Variants in PCDHGA7 observed in about 807,000 individuals in gnomAD.
PCDHGA7 encodes protocadherin gamma-A7.
In PCDHGA7, 44 loss-of-function variants were observed where a neutral mutation model predicts 58.3. That is an observed-to-expected ratio of 0.75 (90% CI 0.59 to 0.97). The LOEUF is 0.97. PCDHGA7 is among the 50% of genes least tolerant of loss of function. PCDHGA7 has a pLI of 0.00. For missense variants in PCDHGA7, 1,266 were observed against 1,188.7 expected (o/e 1.06, Z -0.96); for synonymous variants, 516 against 504.2 (o/e 1.02, Z -0.31).
At chr5:141,508,760 T>A (rs1004267844) in intron 3 of PCDHGA7, among the ~76,000 whole-genome samples, 17 of 151,522 alleles carry the variant, frequency 1.1e-4, no homozygotes, top group Admixed American at 1.1e-3. Flanking sequence ...CTCTGGCGCC[T>A]CTGAGGTCCC....
intron 1 of PCDHGA7, chr5:141,419,707 C>G (rs781629810): frequency 6.2e-7 from 1 of 1,613,180 alleles, no homozygotes. Flanking sequence ...AGCCCGGGCT[C>G]TTCAGCCTGG....
intron 2 of PCDHGA7, among the ~76,000 whole-genome samples, chr5:141,499,146 C>T (rs1415999012): frequency 1.3e-5 from 2 of 152,132 alleles, no homozygotes; most frequent in African/African-American, 4.8e-5. Flanking sequence ...GTGTCTGATC[C>T]CAATAGCTGT....
chr5:141,444,373 G>A (rs2098434682), intron 1 of PCDHGA7, among the ~76,000 whole-genome samples: 1 of 151,902 alleles, frequency 6.6e-6, no homozygotes, highest in South Asian at 2.1e-4. Context: ...GTTTCTCCAT[G>A]TTGGTCAGGC....
At position 141,487,557 on chromosome 5, in the gene PCDHGA7, T is replaced by C. The variant is rs751511771; in HGVS notation, c.2425-7250T>C. On this transcript the variant is annotated intron_variant, in intron 1 of 3. Coordinates refer to ENST00000518325, the MANE Select transcript of PCDHGA7 (RefSeq NM_018920.4). The surrounding 1 kb of genome is among the most constrained non-coding windows in gnomAD (Gnocchi z 5.0). The stretch of plus-strand genomic sequence containing the variant: ...ATGGTGAAGTCACCCAGTGCACCTA[T>C]GGCAGGGGAGCCTGTTCGCCCAAGC... The C allele has an allele frequency of 1.9e-5, 31 of 1,614,060 alleles. No homozygotes were observed. In the East Asian group the frequency reaches 4.2e-4, roughly 22 times the overall value.
intron 1 of PCDHGA7, chr5:141,478,531 C>T (rs771145308): frequency 1.9e-6 from 3 of 1,608,190 alleles, no homozygotes; most frequent in Non-Finnish European, 2.5e-6. Flanking sequence ...GTGCAGAGAG[C>T]GCCCCTCCCG....
At chr5:141,394,189 C>T (rs543330174) in intron 1 of PCDHGA7, 1 of 1,613,892 alleles carries the variant, frequency 6.2e-7, no homozygotes, top group Admixed American at 1.7e-5. Flanking sequence ...TCCTACTCAG[C>T]GTATATCCTA....
rs754268147 is a variant in PCDHGA7, at chr5:141,410,352, G to C, written c.2424+25029G>C. ...CTGGCCATTGCCTTGCGCCTGCGAC[G>C]CTCTCTCAGCCCTGCTACTTGGGAC... On this transcript the variant is annotated intron_variant, in intron 1 of 3. Coordinates refer to ENST00000518325, the MANE Select transcript of PCDHGA7 (RefSeq NM_018920.4). The C allele has an allele frequency of 6.2e-6, 10 of 1,614,022 alleles. No homozygotes were observed. In the South Asian group the frequency reaches 1.1e-4, roughly 18 times the overall value.
rs2099410057 is a variant in PCDHGA7, at chr5:141,477,370, G to C, written c.2425-17437G>C. The C allele has an allele frequency of 6.2e-7, 1 of 1,614,054 alleles. No homozygotes were observed. On this transcript the variant is annotated intron_variant, in intron 1 of 3. Coordinates refer to ENST00000518325, the MANE Select transcript of PCDHGA7 (RefSeq NM_018920.4). This position sits in a 1 kb window ranked among gnomAD's most constrained non-coding sequence, Gnocchi z 4.9. The stretch of plus-strand genomic sequence containing the variant: ...AAACCAGTGCAGACCTGGATCGGGA[G>C]ACTGTGCCAGAATACAACCTCAGCA...
At chr5:141,500,293 C>T (rs1380080572) in intron 2 of PCDHGA7, among the ~76,000 whole-genome samples, 3 of 151,870 alleles carry the variant, frequency 2.0e-5, no homozygotes, top group Non-Finnish European at 4.4e-5. Flanking sequence ...ACTGCAAGCT[C>T]CGCCTCCCAG....
chr5:141,477,052 C>T lies in PCDHGA7; in HGVS notation c.2425-17755C>T. On this transcript the variant is annotated intron_variant, in intron 1 of 3. Coordinates refer to ENST00000518325, the MANE Select transcript of PCDHGA7 (RefSeq NM_018920.4). The surrounding 1 kb of genome is among the most constrained non-coding windows in gnomAD (Gnocchi z 4.9). ...TGACAATCAAGGGTCGGCTGGACTT[C>T]GAGGACACCAAACTCCATGAGATTT... 1.2e-6 allele frequency: 2 copies of T among 1,614,240 alleles called. No individual in the cohort carries two copies. The highest frequency in any genetic ancestry group is 1.7e-6 in the Non-Finnish European group (2 of 1,180,032).
In PCDHGA7 at chr5:141,491,921, A is replaced by T; in HGVS notation, c.2425-2886A>T. ...CCGGGGGTGGTGGCGACTGTGGGCG[A>T]GGGGAGGTGGGACCGACCCCCACCC... On this transcript the variant is annotated intron_variant, in intron 1 of 3. Coordinates refer to ENST00000518325, the MANE Select transcript of PCDHGA7 (RefSeq NM_018920.4). The surrounding 1 kb of genome is among the most constrained non-coding windows in gnomAD (Gnocchi z 6.9). The T allele has an allele frequency of 1.5e-6, 2 of 1,353,738 alleles. No homozygotes were observed. Among genetic ancestry groups the T allele is most frequent in the Non-Finnish European group, 2.0e-6 (2 of 1,013,388 alleles). 83.9% of individuals were successfully genotyped at this position (1,353,738 alleles called of 1,614,324 possible). A position where few individuals can be genotyped will look rare whatever the true frequency, so the allele number is the denominator to read the frequency against.
At chr5:141,392,559 A>T in intron 1 of PCDHGA7, 2 of 384,544 alleles carry the variant, frequency 5.2e-6, no homozygotes, top group Non-Finnish European at 4.6e-6. Context: ...ATCTCAGTGC[A>T]GTAACTATTT....
intron 1 of PCDHGA7, among the ~76,000 whole-genome samples, chr5:141,462,639 C>T (rs2099043867): frequency 7.2e-6 from 1 of 138,292 alleles, no homozygotes. Flanking sequence ...TTGACTCTTT[C>T]ATTTCCATCC....
Position 141,441,858 on chromosome 5 carries a change from C to T in PCDHGA7, c.2425-52949C>T, listed in dbSNP as rs535716058. The T allele has an allele frequency of 6.0e-5, 21 of 349,416 alleles. No homozygotes were observed. The East Asian group carries it at 7.4e-4, about 12-fold the overall frequency. The allele number at this position is 349,416 out of a possible 1,614,324, so 21.6% of individuals were successfully genotyped here. On this transcript the variant is annotated intron_variant, in intron 1 of 3. Coordinates refer to ENST00000518325, the MANE Select transcript of PCDHGA7 (RefSeq NM_018920.4). ...TCGCGCTCTTGGATATGGTGCTGCA[C>T]GCCGCGGAGCCTGGCTACCTGGTCA...
Position 141,427,553 on chromosome 5 carries a change from TG to T in PCDHGA7, c.2424+42231del, listed in dbSNP as rs201716174. ...AGTACAACGTCACCATCACTGCCAC[TG>T]ACAAGGGCAAGCCTCCGCTCTCATC... On this transcript the variant is annotated intron_variant, in intron 1 of 3. Transcript: ENST00000518325. 2.7e-3 allele frequency: 1,760 copies of T among 646,124 alleles called. 23 individuals are homozygous for T. In the African/African-American group the frequency reaches 0.028, roughly 10 times the overall value. 40.0% of individuals were successfully genotyped at this position (646,124 alleles called of 1,614,324 possible).
chr5:141,431,296 C>T lies in PCDHGA7; in HGVS notation c.2424+45973C>T, dbSNP rs2097358592. On this transcript the variant is annotated intron_variant, in intron 1 of 3. Transcript: ENST00000518325. The surrounding 1 kb of genome is among the most constrained non-coding windows in gnomAD (Gnocchi z 4.8). ...AGCTCAGCCCGAACACTCACTTCTC[C>T]CTCATCGTGCAAAATGGAGCCGACG... The T allele has an allele frequency of 1.9e-6, 3 of 1,614,018 alleles. No individual in the cohort carries two copies. Among genetic ancestry groups the T allele is most frequent in the Non-Finnish European group, 2.5e-6 (3 of 1,180,048 alleles).
rs1033888717 is a variant in PCDHGA7 at position 141,512,540 on chromosome 5, T to C, written c.*1367T>C. 6.5e-6 allele frequency: 1 copy of C among 152,886 alleles called. No homozygotes were observed. Among genetic ancestry groups the C allele is most frequent in the African/African-American group, 2.4e-5 (1 of 41,476 alleles). 9.5% of individuals were successfully genotyped at this position (152,886 alleles called of 1,614,324 possible). ...CCATAGCCTGGTTAAAGTTCCCCAGTGCCTCCTTGTGCATAGACCTTCTTC... is the reference window on the plus strand; with the variant it reads ...CCATAGCCTGGTTAAAGTTCCCCAGCGCCTCCTTGTGCATAGACCTTCTTC... On this transcript the variant is annotated 3_prime_UTR_variant, in exon 4 of 4. Transcript: ENST00000518325.
chr5:141,403,612 G>C (rs1314297922), intron 1 of PCDHGA7: 9 of 1,613,736 alleles, frequency 5.6e-6, no homozygotes, highest in African/African-American at 1.3e-5. Flanking sequence ...GCGGCGAGCC[G>C]CGTCGCTCCA....
chr5:141,420,287 A>C, intron 1 of PCDHGA7: 1 of 1,498,884 alleles, frequency 6.7e-7, no homozygotes, highest in African/African-American at 1.4e-5. Context: ...AAGTATTTAA[A>C]AATGTATTTA....
Sources: gnomAD v4.1 joint callset for allele counts (sites outside exome capture counted in the v4.1 genomes callset) on GRCh38, gnomAD v4.1.1 for gene constraint, Gnocchi (gnomAD v3.1) non-coding constraint, MANE v1.5 for transcripts, NCBI Gene and HGNC (gene_info 2026-07-23, HGNC 2026-07-21) for gene names.